Variants in NTRK2 observed in about 807,000 individuals in gnomAD.
NTRK2 encodes BDNF/NT-3 growth factors receptor.
In NTRK2, 13 loss-of-function variants were observed where a neutral mutation model predicts 94.5. That is an observed-to-expected ratio of 0.14 (90% CI 0.09 to 0.22). NTRK2 has a LOEUF of 0.22. Among genes scored for constraint, NTRK2 ranks in the 10% least tolerant of loss-of-function variants. NTRK2 has a pLI of 1.00. For synonymous variants in NTRK2, 372 were observed against 407.4 expected, an observed-to-expected ratio of 0.91 and a Z score of 1.05; for missense variants, 639 against 1,071.2, an observed-to-expected ratio of 0.60 and a Z score of 5.63.
Position 84,708,039 on chromosome 9 carries a change from A to C in NTRK2, c.428+127A>C. 4.0e-6 allele frequency: 3 copies of C among 752,626 alleles called. No individual in the cohort carries two copies. In the South Asian group the frequency reaches 4.7e-5, roughly 12 times the overall value. The allele number at this position is 752,626 out of a possible 1,614,324, so 46.6% of individuals were successfully genotyped here. ...CCAAATTCTCAAAAAATGATTTCTC[A>C]AGTTTCAGTCTCTCAGTCTTTTATT... is the stretch of plus-strand genomic sequence containing the variant. On this transcript the variant is annotated intron_variant, in intron 5 of 18. Transcript: ENST00000277120.
chr9:84,819,513 G>A (rs1295074404), intron 12 of NTRK2, among the ~76,000 whole-genome samples: 2 of 152,184 alleles, frequency 1.3e-5, no homozygotes, highest in Non-Finnish European at 2.9e-5. Flanking sequence ...TGGGGAGGTT[G>A]ATTGATTACC....
At chr9:84,851,418 C>T (rs1357544670) in intron 12 of NTRK2, among the ~76,000 whole-genome samples, 2 of 152,118 alleles carry the variant, frequency 1.3e-5, no homozygotes, top group Non-Finnish European at 2.9e-5. Flanking sequence ...TTCATTTTGT[C>T]CTATTTATGG....
chr9:84,725,798 T>C (rs2062411319), intron 8 of NTRK2, among the ~76,000 whole-genome samples: 1 of 152,100 alleles, frequency 6.6e-6, no homozygotes, highest in Admixed American at 6.5e-5. Flanking sequence ...GTGAGAGATA[T>C]TTGGTAAAGC....
chr9:84,982,524 T>TTC (rs1827757251), intron 17 of NTRK2, among the ~76,000 whole-genome samples: 2 of 152,202 alleles, frequency 1.3e-5, no homozygotes, highest in Admixed American at 1.3e-4. Context: ...TGCCTCTCTC[T>TTC]TCTATATGCC....
At chr9:84,706,854 C>A (rs552592473) in intron 4 of NTRK2, among the ~76,000 whole-genome samples, 1 of 152,242 alleles carries the variant, frequency 6.6e-6, no homozygotes, top group South Asian at 2.1e-4. Flanking sequence ...ATCCAACTCT[C>A]AACCCAACAC....
intron 2 of NTRK2, among the ~76,000 whole-genome samples, chr9:84,671,625 C>T (rs1047802709): frequency 6.6e-6 from 1 of 152,154 alleles, no homozygotes; most frequent in Non-Finnish European, 1.5e-5. Flanking sequence ...GACTTGACTT[C>T]CCAGAGATAT....
At position 84,816,337 on chromosome 9, in the gene NTRK2, T is replaced by C. The variant is rs142419019; in HGVS notation, c.1397-44703T>C. Among the ~76,000 whole-genome samples the C allele has an allele frequency of 4.9e-3, 746 of 152,220 alleles. 4 individuals are homozygous for C. Among genetic ancestry groups the C allele is most frequent in the African/African-American group, 0.018 (727 of 41,532 alleles). Reference sequence around the variant, plus strand: ...AAACAGGATGTAAAAGTGAGGTTTGTAGGACCTCAGGCTCCAATTCATTTG... The same window carrying C: ...AAACAGGATGTAAAAGTGAGGTTTGCAGGACCTCAGGCTCCAATTCATTTG... On this transcript the variant is annotated intron_variant, in intron 12 of 18. Coordinates refer to ENST00000277120, the MANE Select transcript of NTRK2 (RefSeq NM_006180.6).
At chr9:84,763,653 A>G (rs1019562559) in intron 12 of NTRK2, among the ~76,000 whole-genome samples, 4 of 152,170 alleles carry the variant, frequency 2.6e-5, no homozygotes, top group Non-Finnish European at 5.9e-5. Context: ...AAAACTGAGG[A>G]CACAGTGTCC....
intron 12 of NTRK2, chr9:84,814,764 C>T: frequency 2.8e-6 from 3 of 1,064,348 alleles, no homozygotes; most frequent in Non-Finnish European, 3.4e-6. Context: ...GCAATTCCAT[C>T]TAGCATAGGG....
At chr9:85,016,915 C>T (rs1832294217) in intron 17 of NTRK2, among the ~76,000 whole-genome samples, 1 of 152,066 alleles carries the variant, frequency 6.6e-6, no homozygotes, top group African/African-American at 2.4e-5. Context: ...AGACAGCAAG[C>T]AGAAAATAAA....
At chr9:84,753,638 C>T (rs2064834186) in intron 12 of NTRK2, among the ~76,000 whole-genome samples, 1 of 152,184 alleles carries the variant, frequency 6.6e-6, no homozygotes, top group Admixed American at 6.5e-5. Context: ...TCAACTGCAC[C>T]CAGGCCCAGG....
chr9:84,804,433 T>C (rs938287313), intron 12 of NTRK2, among the ~76,000 whole-genome samples: 1 of 152,188 alleles, frequency 6.6e-6, no homozygotes, highest in African/African-American at 2.4e-5. Flanking sequence ...ACAAATTGAT[T>C]CCCAGATCCA....
intron 13 of NTRK2, among the ~76,000 whole-genome samples, chr9:84,863,448 C>T (rs2132017230): frequency 1.3e-5 from 2 of 152,324 alleles, no homozygotes; most frequent in Admixed American, 1.3e-4. Context: ...TATTATAATA[C>T]ATTTTTTCAA....
intron 14 of NTRK2, among the ~76,000 whole-genome samples, chr9:84,906,846 C>A (rs1332466887): frequency 2.0e-5 from 3 of 152,152 alleles, no homozygotes; most frequent in African/African-American, 7.2e-5. Context: ...TTTAAGTATT[C>A]CTTTGTAAGT....
intron 14 of NTRK2, chr9:84,872,672 A>G: frequency 1.9e-6 from 2 of 1,064,412 alleles, no homozygotes; most frequent in Non-Finnish European, 2.3e-6. Context: ...AGAGTGTGCC[A>G]TACTTCTCCA....
At chr9:84,848,026 C>T (rs1021907973) in intron 12 of NTRK2, among the ~76,000 whole-genome samples, 2 of 151,864 alleles carry the variant, frequency 1.3e-5, no homozygotes, top group African/African-American at 2.4e-5. Context: ...CAATGGCCAC[C>T]TTCTTGCTGT....
intron 6 of NTRK2, 72 bp from the exon 7 acceptor site, chr9:84,723,501 A>G (rs761933085): frequency 3.2e-5 from 50 of 1,551,156 alleles, no homozygotes; most frequent in Non-Finnish European, 4.2e-5. Flanking sequence ...ACAGTTTTCA[A>G]TTTATTGCTT....
At chr9:84,894,183 A>G (rs550952167) in intron 14 of NTRK2, among the ~76,000 whole-genome samples, 1 of 18,402 alleles carries the variant, frequency 5.4e-5, no homozygotes, top group African/African-American at 1.3e-4. Context: ...TATTTTTATA[A>G]CACATTGAAT....
intron 17 of NTRK2, among the ~76,000 whole-genome samples, chr9:84,982,788 T>C (rs550071203): frequency 6.6e-6 from 1 of 152,344 alleles, no homozygotes; most frequent in South Asian, 2.1e-4. Context: ...TAAATGTGTA[T>C]GCTTTGATTT....
Sources: gnomAD v4.1 joint callset for allele counts (sites outside exome capture counted in the v4.1 genomes callset) on GRCh38, gnomAD v4.1.1 for gene constraint, MANE v1.5 for transcripts, NCBI Gene and HGNC (gene_info 2026-07-23, HGNC 2026-07-21) for gene names.